PTCHD4: variants seen among roughly 807,000 people sequenced by gnomAD.
The protein encoded by PTCHD4 is patched domain containing 4, also known as patched domain-containing protein 4.
In PTCHD4, 33 loss-of-function variants were observed where a neutral mutation model predicts 58.1. That is an observed-to-expected ratio of 0.57 (90% confidence interval 0.43 to 0.76). The LOEUF (loss-of-function observed/expected upper bound fraction) is 0.76. Among genes scored for constraint, PTCHD4 ranks in the 30% least tolerant of loss-of-function variants. PTCHD4 has a pLI of 0.00. For synonymous variants in PTCHD4, 478 were observed against 409.6 expected, an observed-to-expected ratio of 1.17 and a Z score of -2.02; for missense variants, 1,058 against 1,027.1, an observed-to-expected ratio of 1.03 and a Z score of -0.41.
chr6:47,991,227 CAT>C (rs1259312573), intron 4 of PTCHD4, among the ~76,000 whole-genome samples: 8 of 151,948 alleles, frequency 5.3e-5, no homozygotes, highest in African/African-American at 1.9e-4. Context: ...CAAAGGAAGT[CAT>C]ATCTAGATAT....
intron 4 of PTCHD4, among the ~76,000 whole-genome samples, chr6:47,925,952 G>A (rs1765598515): frequency 6.6e-6 from 1 of 152,096 alleles, no homozygotes; most frequent in Non-Finnish European, 1.5e-5. Context: ...CTGAGGCTGG[G>A]GGTTGGCAGA....
intron 1 of PTCHD4, among the ~76,000 whole-genome samples, chr6:48,071,342 G>A (rs1022566183): frequency 3.9e-5 from 6 of 152,168 alleles, no homozygotes; most frequent in African/African-American, 1.4e-4. Flanking sequence ...TGTAAATCAT[G>A]TTGTAGAATT....
At chr6:48,018,254 C>T (rs1386723156) in intron 3 of PTCHD4, among the ~76,000 whole-genome samples, 1 of 152,178 alleles carries the variant, frequency 6.6e-6, no homozygotes, top group Non-Finnish European at 1.5e-5. Flanking sequence ...TGCTGTTCAG[C>T]TTTTCTGAAT....
At chr6:47,984,647 C>T (rs1767996874) in intron 4 of PTCHD4, among the ~76,000 whole-genome samples, 1 of 151,932 alleles carries the variant, frequency 6.6e-6, no homozygotes, top group East Asian at 1.9e-4. Flanking sequence ...AGGTTCAGTG[C>T]AGATAAATAA....
intron 3 of PTCHD4, among the ~76,000 whole-genome samples, chr6:48,038,872 C>A (rs1441992249): frequency 6.6e-6 from 1 of 152,108 alleles, no homozygotes; most frequent in Non-Finnish European, 1.5e-5. Context: ...GAACCCAGTG[C>A]ACCTGGACTT....
intron 4 of PTCHD4, chr6:47,902,061 C>T (rs1010331028): frequency 6.4e-6 from 3 of 466,372 alleles, no homozygotes; most frequent in African/African-American, 4.1e-5. Flanking sequence ...TCAACAACAA[C>T]AGCAACCACA....
intron 3 of PTCHD4, among the ~76,000 whole-genome samples, chr6:48,062,004 ATGTC>A (rs2307711): frequency 0.16 from 23,651 of 152,130 alleles, 1,860 homozygotes; most frequent in African/African-American, 0.2. Context: ...TATTGAGCCT[ATGTC>A]TGGATGTATC....
intron 1 of PTCHD4, among the ~76,000 whole-genome samples, chr6:48,098,345 T>TTCTTCTTCTTCTTCTTCTTCTTCTTCTTC (rs1309210161): frequency 0.01 from 1,404 of 133,776 alleles, 13 homozygotes; most frequent in Admixed American, 0.014. Flanking sequence ...TCTTCTTCTT[T>TTCTTCTTCTTCTTCTTCTTCTTCTTCTTC]TTTTTTTTTT....
At chr6:47,940,635 T>C (rs2113923649) in intron 4 of PTCHD4, among the ~76,000 whole-genome samples, 1 of 152,298 alleles carries the variant, frequency 6.6e-6, no homozygotes, top group Admixed American at 6.5e-5. Flanking sequence ...CTTGTGAAAA[T>C]AGACATTTCC....
chr6:48,034,128 A>G (rs1004717890), intron 3 of PTCHD4, among the ~76,000 whole-genome samples: 1 of 152,070 alleles, frequency 6.6e-6, no homozygotes, highest in Non-Finnish European at 1.5e-5. Flanking sequence ...TGGATACTAT[A>G]TTTTGTAGAA....
chr6:48,108,665 T>G (rs2113921063), intron 1 of PTCHD4, among the ~76,000 whole-genome samples: 1 of 152,056 alleles, frequency 6.6e-6, no homozygotes, highest in Middle Eastern at 3.4e-3. Context: ...CCCTCCAAGT[T>G]GATTCTGGGA....
chr6:48,020,453 A>G (rs1763025967), intron 3 of PTCHD4, among the ~76,000 whole-genome samples: 1 of 152,028 alleles, frequency 6.6e-6, no homozygotes, highest in Non-Finnish European at 1.5e-5. Flanking sequence ...CATAAATTCA[A>G]TCAATTAAAA....
intron 4 of PTCHD4, among the ~76,000 whole-genome samples, chr6:47,911,809 G>T (rs1170546315): frequency 6.6e-6 from 1 of 152,046 alleles, no homozygotes; most frequent in African/African-American, 2.4e-5. Flanking sequence ...TGAATTCTGG[G>T]AATCATTCAT....
Position 47,996,400 on chromosome 6 carries a change from G to A in PTCHD4, c.898+12234C>T, listed in dbSNP as rs372057473. On this transcript the variant is annotated intron_variant, in intron 4 of 4. Transcript: ENST00000339488. ...TGAGACAGGAGAATCACTTGAACCC[G>A]GGAGGCAGGGCTTGAAGTGAGCCAA... is the stretch of plus-strand genomic sequence containing the variant. Among the ~76,000 whole-genome samples the A allele has an allele frequency of 8.0e-5, 12 of 150,620 alleles. 1 individual carries two copies. The South Asian group carries it at 2.3e-3, about 29-fold the overall frequency.
At chr6:48,092,773 A>T (rs1765392777) in intron 1 of PTCHD4, among the ~76,000 whole-genome samples, 1 of 152,138 alleles carries the variant, frequency 6.6e-6, no homozygotes, top group South Asian at 2.1e-4. Flanking sequence ...AATGTCACCA[A>T]CTCCCCTTCC....
intron 3 of PTCHD4, among the ~76,000 whole-genome samples, chr6:48,066,259 G>A (rs983240329): frequency 2.6e-5 from 4 of 152,146 alleles, no homozygotes; most frequent in African/African-American, 9.7e-5. Flanking sequence ...ATTATTAAAT[G>A]AGTAAACTGA....
chr6:48,085,282 G>T (rs1765241621), intron 1 of PTCHD4, among the ~76,000 whole-genome samples: 1 of 152,046 alleles, frequency 6.6e-6, no homozygotes, highest in African/African-American at 2.4e-5. Context: ...GTTATTTTCT[G>T]CTTCATACTT....
intron 3 of PTCHD4, among the ~76,000 whole-genome samples, chr6:48,010,304 T>C (rs1762621407): frequency 6.6e-6 from 1 of 152,192 alleles, no homozygotes; most frequent in African/African-American, 2.4e-5. Flanking sequence ...GAAGAAACAG[T>C]TCTTCCTAGA....
intron 4 of PTCHD4, among the ~76,000 whole-genome samples, chr6:47,912,600 G>A: frequency 6.6e-6 from 1 of 151,780 alleles, no homozygotes; most frequent in East Asian, 1.9e-4. Context: ...TACCTTCTTT[G>A]AATGTTTTCT....
Sources: gnomAD v4.1 joint callset for allele counts (sites outside exome capture counted in the v4.1 genomes callset) on GRCh38, gnomAD v4.1.1 for gene constraint, MANE v1.5 for transcripts, NCBI Gene and HGNC (gene_info 2026-07-23, HGNC 2026-07-21) for gene names.